Variants in ITGAX observed in about 807,000 individuals in gnomAD.
ITGAX encodes integrin subunit alpha X.
In ITGAX, 99 loss-of-function variants were observed where a neutral mutation model predicts 140.2. The observed-to-expected ratio is 0.71, with a 90% CI of 0.60 to 0.83. ITGAX has a LOEUF of 0.83. Among genes scored for constraint, ITGAX ranks in the 40% least tolerant of loss-of-function variants. The probability of loss-of-function intolerance (pLI) is 0.00; values close to 1 mark genes in which losing one functional copy is unlikely to be tolerated. For synonymous variants in ITGAX, 631 were observed against 600.4 expected, an observed-to-expected ratio of 1.05 and a Z score of -0.75; for missense variants, 1,444 against 1,482.0, an observed-to-expected ratio of 0.97 and a Z score of 0.42.
rs2081074182 is a variant in ITGAX at position 31,382,097 on chromosome 16, C to A, written c.*190C>A. ...TCTTGTCAAGGTTCCAACTGGAAAC[C>A]CTTAGGACAGGGTCCCTGCTGTGTT... On this transcript the variant is annotated 3_prime_UTR_variant, in exon 30 of 30. Coordinates refer to ENST00000268296, the MANE Select transcript of ITGAX (RefSeq NM_000887.5). The A allele has an allele frequency of 2.8e-6, 4 of 1,433,148 alleles. No homozygotes were observed. The highest frequency in any genetic ancestry group is 3.0e-5 in the South Asian group (2 of 65,952). The allele number at this position is 1,433,148 out of a possible 1,614,324, so 88.8% of individuals were successfully genotyped here. A position where few individuals can be genotyped will look rare whatever the true frequency, so the allele number is the denominator to read the frequency against.
intron 3 of ITGAX, 136 bp from the exon 4 acceptor site, chr16:31,356,895 G>T (rs1250773444): frequency 2.3e-6 from 2 of 867,810 alleles, no homozygotes; most frequent in African/African-American, 1.7e-5. Context: ...TCGCACTCCC[G>T]CAGCTCTGTC....
chr16:31,363,278 C>T lies in ITGAX; in HGVS notation c.1614C>T (p.Asp538=), dbSNP rs767382739. The T allele has an allele frequency of 6.0e-5, 96 of 1,613,340 alleles. No individual in the cohort carries two copies. Among genetic ancestry groups the T allele is most frequent in the South Asian group, 1.5e-4 (14 of 91,064 alleles). The change falls in exon 14 of 30, where the codon GAC becomes GAT. Residue 538 remains aspartate (D), a synonymous_variant. Transcript: ENST00000268296. The part of the protein sequence containing the change: ...LGDVNGDKLT[D]VVIGAPGEEE... ...ATGTGAATGGGGACAAGCTGACAGA[C>T]GTGGTCATCGGGGCCCCAGGAGAGG...
intron 20 of ITGAX, among the ~76,000 whole-genome samples, chr16:31,374,908 GGCTTT>G (rs2081005746): frequency 6.6e-6 from 1 of 152,214 alleles, no homozygotes; most frequent in African/African-American, 2.4e-5. Context: ...AGGTTATGAG[GGCTTT>G]GCCCTCATGA....
At chr16:31,373,498 C>T (rs1280142067) in intron 20 of ITGAX, 108 bp downstream of exon 20, 44 of 1,148,340 alleles carry the variant, frequency 3.8e-5, no homozygotes, top group Non-Finnish European at 4.4e-5. Flanking sequence ...ATCTGGGGCA[C>T]GCCTCTGCTC....
chr16:31,377,148 G>A (rs777211733), intron 22 of ITGAX, 34 bp from the exon 23 acceptor site: 1 of 1,612,302 alleles, frequency 6.2e-7, no homozygotes, highest in Non-Finnish European at 8.5e-7. Flanking sequence ...CTCCTCTGGG[G>A]CCTCTGGCAA....
chr16:31,377,117 C>A, intron 22 of ITGAX, 38 bp downstream of exon 22: 1 of 1,612,218 alleles, frequency 6.2e-7, no homozygotes, highest in East Asian at 2.2e-5. Flanking sequence ...CCCCTCATCT[C>A]CAGCCTCACA....
In ITGAX at chr16:31,380,597, A is replaced by G; in HGVS notation, c.3249A>G (p.Pro1083=). The G allele has an allele frequency of 6.2e-7, 1 of 1,614,264 alleles. No homozygotes were observed. Among genetic ancestry groups the G allele is most frequent in the African/African-American group, 1.3e-5 (1 of 75,070 alleles). Residue 1083 remains proline, a synonymous_variant, in exon 28 of 30, where the codon CCA becomes CCG. Coordinates refer to ENST00000268296, the MANE Select transcript of ITGAX (RefSeq NM_000887.5). The part of the protein sequence containing the change: ...TFDTSVYSQL[P]GQEAFMRAQT... ...ACACATCCGTGTACTCCCAGCTTCC[A>G]GGACAGGAGGCATTTATGAGAGCTC... is the stretch of plus-strand genomic sequence containing the variant.
At chr16:31,359,602 A>C (rs1021845811) in intron 5 of ITGAX, 98 bp from the exon 6 acceptor site, 5 of 1,427,246 alleles carry the variant, frequency 3.5e-6, no homozygotes, top group Non-Finnish European at 4.8e-6. Flanking sequence ...GGCTTAGGGG[A>C]GGAAGGGTTT....
rs571204508 is a variant in ITGAX at position 31,355,860 on chromosome 16, T to G, written c.38-33T>G. On this transcript the variant is annotated intron_variant, in intron 1 of 29. Transcript: ENST00000268296. ...GGGCAGCCAGGCAGAAGGAAGACCC[T>G]TCTCCAAAGCTCTCTTCCCACCTCT... 4.7e-5 allele frequency: 73 copies of G among 1,538,980 alleles called. No individual in the cohort carries two copies. In the South Asian group the frequency reaches 7.5e-4, roughly 16 times the overall value.
chr16:31,372,740 T>G, intron 19 of ITGAX, 70 bp downstream of exon 19: 1 of 1,407,454 alleles, frequency 7.1e-7, no homozygotes, highest in East Asian at 2.4e-5. Flanking sequence ...CTCCTGCCTC[T>G]GGCTCTCCCT....
At chr16:31,356,376 C>A in intron 2 of ITGAX, 1 of 475,920 alleles carries the variant, frequency 2.1e-6, no homozygotes, top group South Asian at 2.7e-5. Flanking sequence ...GCAATCCTCC[C>A]GCCTCAGCCT....
chr16:31,382,228 C>CTT lies in ITGAX; in HGVS notation c.*335_*336dup, dbSNP rs61575806. The CTT allele has an allele frequency of 1.5e-3, 1,330 of 899,904 alleles. No individual in the cohort carries two copies. The highest frequency in any genetic ancestry group is 2.8e-3 in the Middle Eastern group (6 of 2,120). The allele number at this position is 899,904 out of a possible 1,614,324, so 55.7% of individuals were successfully genotyped here. On this transcript the variant is annotated 3_prime_UTR_variant, in exon 30 of 30. Coordinates refer to ENST00000268296, the MANE Select transcript of ITGAX (RefSeq NM_000887.5). ...GGCACGAATGATCTTTCTTTCCTTT[C>CTT]TTTTTTTTTTTTTTTCTTTTCTTTT... is the stretch of plus-strand genomic sequence containing the variant.
chr16:31,374,046 C>T (rs936112756), intron 20 of ITGAX, among the ~76,000 whole-genome samples: 3 of 152,062 alleles, frequency 2.0e-5, no homozygotes, highest in Non-Finnish European at 4.4e-5. Context: ...CCCAGGACTT[C>T]GGGAGGTTGA....
At chr16:31,361,611 G>T in intron 9 of ITGAX, 1 of 719,656 alleles carries the variant, frequency 1.4e-6, no homozygotes, top group South Asian at 1.7e-5. Context: ...GACCTGTGGG[G>T]GGCCCTGATG....
At chr16:31,368,019 CA>C (rs1281119633) in intron 14 of ITGAX, among the ~76,000 whole-genome samples, 1 of 152,020 alleles carries the variant, frequency 6.6e-6, no homozygotes, top group Non-Finnish European at 1.5e-5. Flanking sequence ...CTCAAGGCTT[CA>C]GGGGAGGAAG....
chr16:31,366,682 A>T (rs982378636), intron 14 of ITGAX, among the ~76,000 whole-genome samples: 1 of 152,086 alleles, frequency 6.6e-6, no homozygotes, highest in Non-Finnish European at 1.5e-5. Flanking sequence ...TGCCTGGCTA[A>T]TTTTTGTGTT....
At chr16:31,367,737 C>T (rs1224387291) in intron 14 of ITGAX, among the ~76,000 whole-genome samples, 1 of 152,238 alleles carries the variant, frequency 6.6e-6, no homozygotes, top group African/African-American at 2.4e-5. Flanking sequence ...TGCCTGCAAA[C>T]ACAACACCCA....
rs58436070 is a variant in ITGAX, at chr16:31,380,424, G to C, written c.3174+45G>C. 4,146 of 1,611,276 alleles carry C rather than the reference G, an allele frequency of 2.6e-3. 98 individuals carry two copies. The African/African-American group carries it at 0.049, about 19-fold the overall frequency. ...GAGCCCCTGCCCCAGACTCAGGCGG[G>C]ACCTGGCATGTCTGTGCCCATCTGC... On this transcript the variant is annotated intron_variant, in intron 27 of 29. Coordinates refer to ENST00000268296, the MANE Select transcript of ITGAX (RefSeq NM_000887.5).
Position 31,380,052 on chromosome 16 carries a change from A to G in ITGAX, c.3047A>G (p.Lys1016Arg). Residue 1016 changes from lysine (K) to arginine (R), a missense_variant, in exon 26 of 30, where the codon AAG (lysine) becomes AGG (arginine). Physicochemically the swap from Lys to Arg is conservative, Grantham distance 26 (BLOSUM62 2). Coordinates refer to ENST00000268296, the MANE Select transcript of ITGAX (RefSeq NM_000887.5). ...TCTGACTTCCTGGCGCACATTCAGA[A>G]GAATCCCGTGCTGGTGAGGAGGGCT... is the stretch of plus-strand genomic sequence containing the variant. ...PASDFLAHIQ[K>R]NPVLDCSIAG... 1 of 1,614,100 alleles carries G rather than the reference A, an allele frequency of 6.2e-7. No individual in the cohort carries two copies. The highest frequency in any genetic ancestry group is 1.3e-5 in the African/African-American group (1 of 75,040).
Sources: gnomAD v4.1 joint callset for allele counts (sites outside exome capture counted in the v4.1 genomes callset) on GRCh38, gnomAD v4.1.1 for gene constraint, MANE v1.5 for transcripts, NCBI Gene and HGNC (gene_info 2026-07-23, HGNC 2026-07-21) for gene names.